NDUFAF6: variants seen among roughly 807,000 people sequenced by gnomAD.
NDUFAF6 encodes the protein NADH:ubiquinone oxidoreductase complex assembly factor 6, also known as NADH dehydrogenase (ubiquinone) complex I, assembly factor 6.
Under a neutral mutation model 40.8 loss-of-function variants are expected in NDUFAF6, and 45 were observed. The observed-to-expected ratio is 1.10, with a 90% CI of 0.87 to 1.42. NDUFAF6 has a LOEUF of 1.42. Among genes scored for constraint, NDUFAF6 ranks in the 40% most tolerant of loss-of-function variants. The probability of loss-of-function intolerance (pLI) is 0.00; values close to 1 mark genes in which losing one functional copy is unlikely to be tolerated. For missense variants in NDUFAF6, 435 were observed against 418.5 expected (o/e 1.04, Z -0.34); for synonymous variants, 185 against 155.9 (o/e 1.19, Z -1.39).
intron 2 of NDUFAF6, among the ~76,000 whole-genome samples, chr8:95,005,526 A>ATATATATATATATATATAT (rs1826924313): frequency 1.4e-4 from 1 of 7,278 alleles, no homozygotes; most frequent in Non-Finnish European, 2.7e-4. Context: ...GGTCCTTTTA[A>ATATATATATATATATATAT]ATATATATAT....
intron 2 of NDUFAF6, among the ~76,000 whole-genome samples, chr8:95,007,295 G>A (rs1482629975): frequency 1.4e-5 from 1 of 71,120 alleles, no homozygotes; most frequent in Non-Finnish European, 2.6e-5. Context: ...ACAAACTAAT[G>A]CCTGTAATAC....
chr8:95,090,661 AAC>A, intron 2 of NDUFAF6, among the ~76,000 whole-genome samples: 1 of 152,266 alleles, frequency 6.6e-6, no homozygotes. Flanking sequence ...AGTGTCAGTC[AAC>A]TTGATTGGAT....
At chr8:94,918,170 T>G (rs1047243791) in intron 1 of NDUFAF6, among the ~76,000 whole-genome samples, 25 of 152,326 alleles carry the variant, frequency 1.6e-4, no homozygotes, top group African/African-American at 5.8e-4. Flanking sequence ...TCTGACTCCC[T>G]TCCTGATCAG....
At position 95,025,106 on chromosome 8, in the gene NDUFAF6, T is replaced by A; in HGVS notation, c.98T>A (p.Met33Lys). 1.4e-6 allele frequency: 2 copies of A among 1,481,154 alleles called. No individual in the cohort carries two copies. The highest frequency in any genetic ancestry group is 1.5e-5 in the African/African-American group (1 of 68,546). The allele number at this position is 1,481,154 out of a possible 1,614,324, so 91.8% of individuals were successfully genotyped here. The change falls in exon 1 of 9, where the codon ATG becomes AAG. Residue 33 changes from methionine (M) to lysine (K), a missense_variant. Coordinates refer to ENST00000396124, the MANE Select transcript of NDUFAF6 (RefSeq NM_152416.4). Reference sequence around the variant, plus strand: ...CCGCCTCTGGGTCTGTACGCGCGCATGCGGCGGCTGCCCGGGCCGGAGGTG... The same window carrying A: ...CCGCCTCTGGGTCTGTACGCGCGCAAGCGGCGGCTGCCCGGGCCGGAGGTG... The part of the protein sequence containing the change: ...RRPPLGLYAR[M>K]RRLPGPEVSG...
downstream of NDUFAF6, among the ~76,000 whole-genome samples, chr8:95,062,956 G>A (rs962520267): frequency 6.6e-6 from 1 of 152,204 alleles, no homozygotes; most frequent in Non-Finnish European, 1.5e-5. Flanking sequence ...GATGGAACTG[G>A]AAGAGTCTGT....
At chr8:95,030,535 T>C (rs78218844) in intron 1 of NDUFAF6, among the ~76,000 whole-genome samples, 2,394 of 152,272 alleles carry the variant, frequency 0.016, 66 homozygotes, top group African/African-American at 0.054. Flanking sequence ...TGCTGGGCCC[T>C]GTCATTATTT....
intron 2 of NDUFAF6, among the ~76,000 whole-genome samples, chr8:94,987,832 C>T (rs903129190): frequency 4.6e-5 from 7 of 152,310 alleles, no homozygotes; most frequent in Middle Eastern, 3.4e-3. Flanking sequence ...TCAGCCTCCT[C>T]CTCTTAGCCT....
chr8:94,906,099 T>G (rs1379776012), intron 1 of NDUFAF6, among the ~76,000 whole-genome samples: 2 of 152,222 alleles, frequency 1.3e-5, no homozygotes, highest in African/African-American at 4.8e-5. Context: ...CTAGTCATCA[T>G]GTTTATGAAC....
At chr8:94,989,416 C>G (rs1037630376) in intron 2 of NDUFAF6, 2 of 152,110 alleles carry the variant, frequency 1.3e-5, no homozygotes, top group South Asian at 4.1e-4. Flanking sequence ...GGAGGAGGAA[C>G]AGTTTCAAGT....
intron 1 of NDUFAF6, among the ~76,000 whole-genome samples, chr8:94,943,212 G>A (rs1198112362): frequency 6.6e-6 from 1 of 152,200 alleles, no homozygotes; most frequent in Non-Finnish European, 1.5e-5. Flanking sequence ...GATGAGGCTA[G>A]GTGTGGAGGC....
intron 2 of NDUFAF6, chr8:95,088,024 C>T (rs1809105791): frequency 6.6e-6 from 1 of 152,396 alleles, no homozygotes; most frequent in Non-Finnish European, 1.5e-5. Context: ...CTTGGCAGCA[C>T]TGAAGACTAG....
chr8:94,939,055 G>GA (rs1332090191), intron 1 of NDUFAF6, among the ~76,000 whole-genome samples: 4 of 152,262 alleles, frequency 2.6e-5, no homozygotes, highest in Non-Finnish European at 4.4e-5. Context: ...CTGGTGTGTG[G>GA]AAAAAACCCA....
intron 1 of NDUFAF6, among the ~76,000 whole-genome samples, chr8:94,935,013 A>T (rs1257286037): frequency 6.6e-6 from 1 of 152,118 alleles, no homozygotes; most frequent in Non-Finnish European, 1.5e-5. Context: ...TTGAGACTTG[A>T]GAGTATGGCA....
At chr8:95,045,730 C>A in intron 5 of NDUFAF6, 83 bp downstream of exon 5, 1 of 1,124,148 alleles carries the variant, frequency 8.9e-7, no homozygotes, top group Non-Finnish European at 1.3e-6. Flanking sequence ...GGTAATCTAA[C>A]CAGTTTAGCA....
At chr8:94,998,855 C>T (rs1293666702) in intron 2 of NDUFAF6, among the ~76,000 whole-genome samples, 1 of 152,028 alleles carries the variant, frequency 6.6e-6, no homozygotes, top group African/African-American at 2.4e-5. Context: ...AATGCCAAGT[C>T]CTATAGATTA....
chr8:95,045,874 C>T (rs917119210), intron 5 of NDUFAF6, among the ~76,000 whole-genome samples: 1 of 151,948 alleles, frequency 6.6e-6, no homozygotes, highest in African/African-American at 2.4e-5. Context: ...AACTACTTTA[C>T]CTCATGGGAA....
intron 1 of NDUFAF6, among the ~76,000 whole-genome samples, chr8:94,980,491 T>A (rs902862420): frequency 4.2e-5 from 6 of 142,834 alleles, no homozygotes; most frequent in Non-Finnish European, 6.1e-5. Flanking sequence ...GTCACTGAAC[T>A]GGAGTGCAGT....
At chr8:94,999,097 G>A (rs966920692) in intron 2 of NDUFAF6, among the ~76,000 whole-genome samples, 10 of 151,070 alleles carry the variant, frequency 6.6e-5, no homozygotes, top group East Asian at 3.9e-4. Context: ...AATGTACTCC[G>A]GTATTTTTCT....
At chr8:95,113,559 G>A (rs1810055005) in intron 4 of NDUFAF6, among the ~76,000 whole-genome samples, 2 of 152,194 alleles carry the variant, frequency 1.3e-5, no homozygotes, top group African/African-American at 2.4e-5. Context: ...TAAGCCCTGA[G>A]GCTTTCCTGC....
Sources: allele counts gnomAD v4.1 joint callset (sites outside exome capture counted in the v4.1 genomes callset), GRCh38; gene constraint gnomAD v4.1.1; transcripts MANE v1.5; gene names NCBI Gene and HGNC (gene_info 2026-07-23, HGNC 2026-07-21).